Variants in MACROD2 observed in about 807,000 individuals in gnomAD.
MACROD2 encodes the protein ADP-ribose glycohydrolase MACROD2.
In MACROD2, 36 loss-of-function variants were observed where a neutral mutation model predicts 70.4. The observed-to-expected ratio is 0.51, with a 90% CI of 0.39 to 0.68. MACROD2 has a LOEUF of 0.68. Among genes scored for constraint, MACROD2 ranks in the 30% least tolerant of loss-of-function variants. The probability of loss-of-function intolerance (pLI) is 0.00; values close to 1 mark genes in which losing one functional copy is unlikely to be tolerated. For missense variants in MACROD2, 496 were observed against 538.4 expected (o/e 0.92, Z 0.78); for synonymous variants, 172 against 178.8 (o/e 0.96, Z 0.30).
At chr20:14,893,484 A>G (rs567019336) in intron 5 of MACROD2, 1 of 152,294 alleles carries the variant, frequency 6.6e-6, no homozygotes, top group South Asian at 2.1e-4. Context: ...AATGAATGTG[A>G]TATGCATACA....
intron 5 of MACROD2, among the ~76,000 whole-genome samples, chr20:14,721,474 A>G (rs1222619740): frequency 1.3e-5 from 2 of 152,144 alleles, no homozygotes; most frequent in South Asian, 2.1e-4. Flanking sequence ...TGTGTTTAAA[A>G]TAAAAGTAAA....
intron 5 of MACROD2, among the ~76,000 whole-genome samples, chr20:14,734,791 T>A (rs1008946150): frequency 6.6e-6 from 1 of 152,102 alleles, no homozygotes; most frequent in African/African-American, 2.4e-5. Context: ...AATATAGGCA[T>A]ATAGACCAAT....
intron 2 of MACROD2, among the ~76,000 whole-genome samples, chr20:14,038,475 C>T (rs535991920): frequency 1.5e-3 from 225 of 152,188 alleles, no homozygotes; most frequent in Non-Finnish European, 2.7e-3. Context: ...ACTTGCCCAA[C>T]GTCATACTGC....
In MACROD2 at chr20:15,883,169, T is replaced by C. The variant is rs142826972; in HGVS notation, c.728-2595T>C. On this transcript the variant is annotated intron_variant, in intron 9 of 17. Coordinates refer to ENST00000684519, the MANE Select transcript of MACROD2 (RefSeq NM_001351661.2). Reference sequence around the variant, plus strand: ...GTTTGCCAGGTGAATAACGGAAATATAAGTGACAAGCAAAGGGATCTTTGA... The same window carrying C: ...GTTTGCCAGGTGAATAACGGAAATACAAGTGACAAGCAAAGGGATCTTTGA... Among the ~76,000 whole-genome samples the C allele has an allele frequency of 2.1e-3, 312 of 152,124 alleles. 1 individual carries two copies. Among genetic ancestry groups the C allele is most frequent in the African/African-American group, 7.2e-3 (297 of 41,530 alleles).
At chr20:15,007,390 C>G (rs527598717) in intron 5 of MACROD2, among the ~76,000 whole-genome samples, 92 of 145,886 alleles carry the variant, frequency 6.3e-4, no homozygotes, top group African/African-American at 2.1e-3. Context: ...AAAAAAAAAA[C>G]ACAAAAAAGC....
chr20:15,689,288 G>A (rs2050268632), intron 8 of MACROD2, among the ~76,000 whole-genome samples: 2 of 151,118 alleles, frequency 1.3e-5, no homozygotes, highest in South Asian at 2.1e-4. Context: ...TGGGTGACAA[G>A]ATTGAGATTC....
At chr20:14,821,036 A>ACTACCTGCTAAGCCTC (rs1201567839) in intron 5 of MACROD2, among the ~76,000 whole-genome samples, 2 of 152,122 alleles carry the variant, frequency 1.3e-5, no homozygotes, top group African/African-American at 2.4e-5. Flanking sequence ...AGTTCAGCTT[A>ACTACCTGCTAAGCCTC]CTACCTGCTA....
At position 15,459,304 on chromosome 20, in the gene MACROD2, G is replaced by A. The variant is rs538539766; in HGVS notation, c.571+27869G>A. 2.0e-4 allele frequency among the ~76,000 whole-genome samples: 30 copies of A among 151,956 alleles called. 1 individual carries two copies. In the South Asian group the frequency reaches 4.6e-3, roughly 23 times the overall value. On this transcript the variant is annotated intron_variant, in intron 7 of 17. Coordinates refer to ENST00000684519, the MANE Select transcript of MACROD2 (RefSeq NM_001351661.2). ...CTCTCCTATCTCCTGCCCCCTCCCC[G>A]CTCTCCCCTTTAGAGTACTGAAGTA...
chr20:14,471,744 C>T (rs559677785), intron 3 of MACROD2, among the ~76,000 whole-genome samples: 11 of 152,116 alleles, frequency 7.2e-5, no homozygotes, highest in African/African-American at 1.2e-4. Flanking sequence ...CTCTTTCTAA[C>T]GTGTAGTTAT....
intron 5 of MACROD2, among the ~76,000 whole-genome samples, chr20:15,011,626 C>T: frequency 6.6e-6 from 1 of 152,130 alleles, no homozygotes; most frequent in East Asian, 1.9e-4. Flanking sequence ...AGATATTGTA[C>T]TCATCGAGTC....
intron 8 of MACROD2, among the ~76,000 whole-genome samples, chr20:15,767,584 A>G (rs987009191): frequency 2.6e-5 from 4 of 152,130 alleles, no homozygotes; most frequent in Admixed American, 2.6e-4. Context: ...TTAGCCCCTC[A>G]TTTCTTCTGC....
At chr20:16,028,906 T>C (rs2067116636) in intron 15 of MACROD2, among the ~76,000 whole-genome samples, 1 of 152,178 alleles carries the variant, frequency 6.6e-6, no homozygotes, top group Non-Finnish European at 1.5e-5. Flanking sequence ...ATGGACTAAG[T>C]GTAAATCAAG....
At chr20:14,823,845 TAGC>T (rs1401503883) in intron 5 of MACROD2, among the ~76,000 whole-genome samples, 2 of 152,106 alleles carry the variant, frequency 1.3e-5, no homozygotes, top group Non-Finnish European at 2.9e-5. Flanking sequence ...GGATAGGAAA[TAGC>T]AGTCTTTGCT....
intron 5 of MACROD2, among the ~76,000 whole-genome samples, chr20:14,943,527 C>T (rs2122713257): frequency 6.6e-6 from 1 of 152,102 alleles, no homozygotes; most frequent in African/African-American, 2.4e-5. Context: ...GCTTCCCAAC[C>T]AGAGCTATCC....
chr20:14,834,888 A>G (rs1262487066), intron 5 of MACROD2, among the ~76,000 whole-genome samples: 2 of 151,992 alleles, frequency 1.3e-5, no homozygotes, highest in Non-Finnish European at 2.9e-5. Flanking sequence ...ATGTATATGT[A>G]TAGTCTATAC....
chr20:14,685,513 T>C (rs1483373911), intron 5 of MACROD2, among the ~76,000 whole-genome samples: 2 of 152,230 alleles, frequency 1.3e-5, no homozygotes, highest in East Asian at 3.8e-4. Flanking sequence ...GAATGCGGAA[T>C]GGTCAAAATT....
At chr20:15,669,744 G>A (rs2049953135) in intron 8 of MACROD2, among the ~76,000 whole-genome samples, 1 of 152,188 alleles carries the variant, frequency 6.6e-6, no homozygotes, top group Admixed American at 6.5e-5. Flanking sequence ...CCGAGGTAAT[G>A]TCCTAAATAA....
At chr20:15,154,044 T>C (rs2076290003) in intron 5 of MACROD2, among the ~76,000 whole-genome samples, 1 of 152,206 alleles carries the variant, frequency 6.6e-6, no homozygotes, top group African/African-American at 2.4e-5. Context: ...TGAAGCTCAA[T>C]AGACTATCCC....
intron 6 of MACROD2, among the ~76,000 whole-genome samples, chr20:15,335,743 A>G (rs1354216195): frequency 6.6e-6 from 1 of 151,716 alleles, no homozygotes; most frequent in East Asian, 1.9e-4. Context: ...TTATGTAGAA[A>G]CACACACACG....
Sources: allele counts gnomAD v4.1 joint callset (sites outside exome capture counted in the v4.1 genomes callset), GRCh38; gene constraint gnomAD v4.1.1; transcripts MANE v1.5; gene names NCBI Gene and HGNC (gene_info 2026-07-23, HGNC 2026-07-21).